The following RRM2 variants were observed in gnomAD, a reference collection of about 807,000 sequenced individuals.
RRM2 encodes ribonucleotide reductase regulatory subunit M2.
Under a neutral mutation model 45.9 loss-of-function variants are expected in RRM2, and 6 were observed. That is an observed-to-expected ratio of 0.13 (90% confidence interval 0.07 to 0.26). RRM2 has a LOEUF of 0.26. Among genes scored for constraint, RRM2 ranks in the 10% least tolerant of loss-of-function variants. The pLI is 1.00. For missense variants in RRM2, 343 were observed against 489.5 expected, an observed-to-expected ratio of 0.70 and a Z score of 2.82; for synonymous variants, 177 against 173.0, an observed-to-expected ratio of 1.02 and a Z score of -0.18.
At chr2:10,146,979 A>T (rs1377717852) in intron 3 of RRM2, among the ~76,000 whole-genome samples, 1 of 151,516 alleles carries the variant, frequency 6.6e-6, no homozygotes, top group African/African-American at 2.4e-5. Context: ...TTTTTTTGAG[A>T]TGGAGTCTCT....
intron 7 of RRM2, among the ~76,000 whole-genome samples, chr2:10,128,170 A>G (rs1389260103): frequency 1.3e-5 from 2 of 152,182 alleles, no homozygotes; most frequent in African/African-American, 2.4e-5. Flanking sequence ...AAGAATGTTC[A>G]TAGTAGCCAT....
chr2:10,173,736 G>T (rs1663853080), intron 3 of RRM2, among the ~76,000 whole-genome samples: 1 of 152,276 alleles, frequency 6.6e-6, no homozygotes, highest in Non-Finnish European at 1.5e-5. Flanking sequence ...CTGCCCAGAA[G>T]AATTCAGTAT....
intron 3 of RRM2, among the ~76,000 whole-genome samples, chr2:10,175,753 C>A (rs1047918354): frequency 7.1e-6 from 1 of 140,242 alleles, no homozygotes; most frequent in East Asian, 2.0e-4. Flanking sequence ...CACACCACCA[C>A]GCTCAGCTAA....
At chr2:10,186,977 A>G (rs1664180759) in intron 3 of RRM2, among the ~76,000 whole-genome samples, 1 of 152,230 alleles carries the variant, frequency 6.6e-6, no homozygotes, top group African/African-American at 2.4e-5. Flanking sequence ...GGTGCCCAGG[A>G]GTCCCCCGAA....
At chr2:10,151,462 A>T (rs1043190872) in intron 3 of RRM2, among the ~76,000 whole-genome samples, 8 of 151,202 alleles carry the variant, frequency 5.3e-5, no homozygotes, top group Non-Finnish European at 7.4e-5. Context: ...CAGCCCAGCT[A>T]ATTTTTTTTG....
At chr2:10,168,948 T>G (rs1057470097) in intron 3 of RRM2, among the ~76,000 whole-genome samples, 37 of 152,176 alleles carry the variant, frequency 2.4e-4, no homozygotes, top group African/African-American at 8.4e-4. Flanking sequence ...CACTGATCAC[T>G]TGCTTCTCTT....
chr2:10,170,389 G>T (rs949871280), intron 3 of RRM2, among the ~76,000 whole-genome samples: 1 of 152,106 alleles, frequency 6.6e-6, no homozygotes, highest in African/African-American at 2.4e-5. Flanking sequence ...ATCTTGCCCC[G>T]TGGTGAAATC....
intron 3 of RRM2, among the ~76,000 whole-genome samples, chr2:10,154,291 T>A (rs1433968627): frequency 1.3e-5 from 2 of 151,828 alleles, no homozygotes; most frequent in Admixed American, 1.3e-4. Flanking sequence ...CTGGCCAACA[T>A]AGCGAGACCT....
At chr2:10,150,771 G>GT (rs61292654) in intron 3 of RRM2, among the ~76,000 whole-genome samples, 1,570 of 92,842 alleles carry the variant, frequency 0.017, 46 homozygotes, top group African/African-American at 0.046. Flanking sequence ...AGTGTGTTGT[G>GT]TTTTTTTTTT....
chr2:10,171,788 G>A lies in RRM2; in HGVS notation n.482+29413G>A, dbSNP rs1043094397. On this transcript the variant is annotated intron_variant and non_coding_transcript_variant, in intron 3 of 3. Transcript: ENST00000381786. This position sits in a 1 kb window ranked among gnomAD's most constrained non-coding sequence, Gnocchi z 4.1. ...CTCCACCAGCAACGTCCCTGAAACA[G>A]TCTTTCTTATTAAAAAATATTGAGT... Among the ~76,000 whole-genome samples, 6 of 152,218 alleles carry A rather than the reference G, an allele frequency of 3.9e-5. No individual in the cohort carries two copies. Among genetic ancestry groups the A allele is most frequent in the Non-Finnish European group, 8.8e-5 (6 of 68,044 alleles).
intron 3 of RRM2, among the ~76,000 whole-genome samples, chr2:10,193,414 G>A (rs116798493): frequency 5.0e-4 from 76 of 152,282 alleles, no homozygotes; most frequent in African/African-American, 1.7e-3. Context: ...GCCTGGAGGC[G>A]GCAACAGCTT....
chr2:10,133,624 CCTG>C (rs1662940467), downstream of RRM2, among the ~76,000 whole-genome samples: 1 of 152,116 alleles, frequency 6.6e-6, no homozygotes, highest in African/African-American at 2.4e-5. Flanking sequence ...GGGCTACCCT[CCTG>C]GTGTCTGTCT....
chr2:10,174,737 C>T (rs1378142631), intron 3 of RRM2, among the ~76,000 whole-genome samples: 2 of 152,022 alleles, frequency 1.3e-5, no homozygotes, highest in Non-Finnish European at 2.9e-5. Context: ...CGTGGTGGCA[C>T]ATGCCTGTAA....
chr2:10,187,458 TGA>T (rs1664193114), intron 3 of RRM2, among the ~76,000 whole-genome samples: 2 of 152,172 alleles, frequency 1.3e-5, no homozygotes, highest in Admixed American at 6.5e-5. Flanking sequence ...AACTGTGCAG[TGA>T]GAGAGGCTTT....
chr2:10,150,356 A>G (rs1357449413), intron 3 of RRM2, among the ~76,000 whole-genome samples: 1 of 151,500 alleles, frequency 6.6e-6, no homozygotes, highest in Non-Finnish European at 1.5e-5. Context: ...CTGAGGCAGG[A>G]GAATCGCTTG....
At chr2:10,203,844 C>T (rs1435262749) in intron 3 of RRM2, among the ~76,000 whole-genome samples, 9 of 151,970 alleles carry the variant, frequency 5.9e-5, no homozygotes, top group South Asian at 2.1e-4. Context: ...ATGGGGCTCA[C>T]GGTTAAGTCA....
intron 3 of RRM2, among the ~76,000 whole-genome samples, chr2:10,167,794 G>A (rs1049703394): frequency 1.3e-5 from 2 of 152,168 alleles, no homozygotes; most frequent in Non-Finnish European, 1.5e-5. Flanking sequence ...TAACTTGGCC[G>A]TTCTGATTTC....
intron 3 of RRM2, among the ~76,000 whole-genome samples, chr2:10,190,650 TTGG>T (rs1162063776): frequency 2.7e-5 from 4 of 145,792 alleles, no homozygotes; most frequent in Admixed American, 6.8e-5. Flanking sequence ...GATGGTGGGG[TTGG>T]TGGTGATGAG....
At chr2:10,150,335 T>A (rs567960225) in intron 3 of RRM2, among the ~76,000 whole-genome samples, 30 of 151,458 alleles carry the variant, frequency 2.0e-4, no homozygotes, top group Non-Finnish European at 2.9e-4. Flanking sequence ...TAATCCCAGC[T>A]ACTGGGGAGG....
Sources: gnomAD v4.1 joint callset for allele counts (sites outside exome capture counted in the v4.1 genomes callset) on GRCh38, gnomAD v4.1.1 for gene constraint, Gnocchi (gnomAD v3.1) non-coding constraint, MANE v1.5 for transcripts, NCBI Gene and HGNC (gene_info 2026-07-23, HGNC 2026-07-21) for gene names.